The following PDE1A variants were observed in gnomAD, a reference collection of about 807,000 sequenced individuals.
The protein encoded by PDE1A is dual specificity calcium/calmodulin-dependent 3',5'-cyclic nucleotide phosphodiesterase 1A.
PDE1A carries 35 observed loss-of-function variants against 61.7 expected under a neutral mutation model. That is an observed-to-expected ratio of 0.57 (90% confidence interval 0.43 to 0.75). PDE1A has a LOEUF of 0.75. PDE1A is among the 30% of genes least tolerant of loss of function. The pLI, the probability that PDE1A is intolerant of heterozygous loss-of-function variation, is 0.00. For synonymous variants in PDE1A, 232 were observed against 213.2 expected, an observed-to-expected ratio of 1.09 and a Z score of -0.77; for missense variants, 597 against 630.6, an observed-to-expected ratio of 0.95 and a Z score of 0.57.
intron 1 of PDE1A, among the ~76,000 whole-genome samples, chr2:182,410,121 G>A (rs1702527777): frequency 1.3e-5 from 2 of 152,146 alleles, no homozygotes; most frequent in African/African-American, 4.8e-5. Context: ...GGAGGCTAAG[G>A]CGAGAGGATC....
intron 1 of PDE1A, among the ~76,000 whole-genome samples, chr2:182,378,535 T>C (rs1053445053): frequency 6.6e-6 from 1 of 152,060 alleles, no homozygotes; most frequent in Non-Finnish European, 1.5e-5. Context: ...TTTCTAGGAG[T>C]CCCTTTCTAC....
chr2:182,586,779 T>C, the PDE1A span, among the ~76,000 whole-genome samples: 1 of 152,178 alleles, frequency 6.6e-6, no homozygotes, highest in Admixed American at 6.5e-5. Flanking sequence ...TACACTGACA[T>C]TTATTCATGC....
downstream of PDE1A, among the ~76,000 whole-genome samples, chr2:182,164,036 A>G (rs1691522555): frequency 6.6e-6 from 1 of 151,866 alleles, no homozygotes; most frequent in Non-Finnish European, 1.5e-5. Flanking sequence ...GCCTTAGTAA[A>G]AGCTGAATGC....
chr2:182,276,769 T>G (rs548215839), intron 1 of PDE1A, among the ~76,000 whole-genome samples: 1 of 152,136 alleles, frequency 6.6e-6, no homozygotes, highest in African/African-American at 2.4e-5. Flanking sequence ...ACTGAATTCT[T>G]TTCCTAGCAA....
At chr2:182,533,726 A>G in the PDE1A span, among the ~76,000 whole-genome samples, 2 of 152,272 alleles carry the variant, frequency 1.3e-5, no homozygotes, top group Non-Finnish European at 2.9e-5. Context: ...TTAGGAGGAG[A>G]GGACCACAAA....
chr2:182,173,087 G>A (rs1192443953), intron 13 of PDE1A, among the ~76,000 whole-genome samples: 5 of 152,002 alleles, frequency 3.3e-5, no homozygotes, highest in African/African-American at 1.2e-4. Context: ...GGTGAAGCTG[G>A]CTCAGATTTA....
At chr2:182,711,756 G>C in the PDE1A span, among the ~76,000 whole-genome samples, 1 of 152,206 alleles carries the variant, frequency 6.6e-6, no homozygotes, top group Non-Finnish European at 1.5e-5. Flanking sequence ...AAGCCAGCTT[G>C]AAAGAATTCC....
chr2:182,167,703 T>C (rs1691728811), downstream of PDE1A, among the ~76,000 whole-genome samples: 1 of 152,152 alleles, frequency 6.6e-6, no homozygotes, highest in Non-Finnish European at 1.5e-5. Flanking sequence ...CTTTCTACTA[T>C]TTGGACAACC....
At chr2:182,270,926 T>C (rs1229547346) in intron 1 of PDE1A, among the ~76,000 whole-genome samples, 1 of 151,924 alleles carries the variant, frequency 6.6e-6, no homozygotes, top group South Asian at 2.1e-4. Context: ...AATTAAACCC[T>C]AACCTTAATC....
chr2:182,179,019 G>A (rs980743179), intron 13 of PDE1A, among the ~76,000 whole-genome samples: 29 of 152,208 alleles, frequency 1.9e-4, no homozygotes, highest in African/African-American at 6.7e-4. Context: ...ATCTAAAGAA[G>A]GAGGAAAGAG....
At chr2:182,305,169 G>T (rs1420894349) in intron 1 of PDE1A, among the ~76,000 whole-genome samples, 1 of 84,362 alleles carries the variant, frequency 1.2e-5, no homozygotes, top group Non-Finnish European at 2.4e-5. Context: ...ATTAATGTTT[G>T]TTCGGATTAC....
chr2:182,650,159 T>A, the PDE1A span, among the ~76,000 whole-genome samples: 1 of 152,104 alleles, frequency 6.6e-6, no homozygotes, highest in Admixed American at 6.5e-5. Context: ...AAAACACACA[T>A]GGCTTTAGGT....
chr2:182,389,755 G>T (rs1267065120), intron 1 of PDE1A, among the ~76,000 whole-genome samples: 2 of 152,072 alleles, frequency 1.3e-5, no homozygotes, highest in Non-Finnish European at 2.9e-5. Flanking sequence ...ATTGGGAGAG[G>T]TAGACTCACC....
chr2:182,165,764 G>A (rs557942187), downstream of PDE1A, among the ~76,000 whole-genome samples: 1 of 152,114 alleles, frequency 6.6e-6, no homozygotes, highest in Non-Finnish European at 1.5e-5. Context: ...ACAGAAATGA[G>A]GATTGTAATT....
At chr2:182,625,622 T>C in the PDE1A span, among the ~76,000 whole-genome samples, 1 of 152,228 alleles carries the variant, frequency 6.6e-6, no homozygotes, top group Admixed American at 6.5e-5. Context: ...TCACTGGTCC[T>C]GACAGAGTCT....
the PDE1A span, among the ~76,000 whole-genome samples, chr2:182,713,719 C>G: frequency 8.2e-4 from 125 of 152,240 alleles, no homozygotes; most frequent in African/African-American, 2.9e-3. Flanking sequence ...TATCTGTGGC[C>G]TCTTTCTTTT....
chr2:182,182,545 A>G (rs1035454572), intron 13 of PDE1A, among the ~76,000 whole-genome samples: 3 of 152,158 alleles, frequency 2.0e-5, no homozygotes, highest in African/African-American at 7.2e-5. Flanking sequence ...ATTCTGTAGC[A>G]GAGTAATCCT....
Position 182,384,458 on chromosome 2 carries a change from AAAT to A in PDE1A, c.53+42117_53+42119del, listed in dbSNP as rs112896044. 8.4e-3 allele frequency among the ~76,000 whole-genome samples: 1,193 copies of A among 141,912 alleles called. 12 individuals are homozygous for A. The highest frequency in any genetic ancestry group is 0.028 in the African/African-American group (1,017 of 36,734). The allele number at this position is 141,912 out of a possible 152,430, so 93.1% of individuals were successfully genotyped here. On this transcript the variant is annotated intron_variant, in intron 1 of 13. Coordinates refer to ENST00000351439, the Ensembl canonical transcript of PDE1A. ...CAAAAAGCAAAATTTAATAAAGAGA[AAAT>A]AATAATAATAATAATAATAATAATA... is the stretch of plus-strand genomic sequence containing the variant.
chr2:182,180,500 T>A lies in PDE1A; in HGVS notation c.1516+5392A>T, dbSNP rs114119433. 4.3e-3 allele frequency among the ~76,000 whole-genome samples: 652 copies of A among 152,328 alleles called. 13 individuals are homozygous for A. The East Asian group carries it at 0.069, about 16-fold the overall frequency. On this transcript the variant is annotated intron_variant, in intron 13 of 13. Coordinates refer to ENST00000351439, the Ensembl canonical transcript of PDE1A. ...CTTTGTAGGTGACCTGACCTTTTTC[T>A]CTGGCTGCCCTTAAACATTTTTTCC...
Sources: gnomAD v4.1 joint callset for allele counts (sites outside exome capture counted in the v4.1 genomes callset) on GRCh38, gnomAD v4.1.1 for gene constraint, MANE v1.5 for transcripts, NCBI Gene and HGNC (gene_info 2026-07-23, HGNC 2026-07-21) for gene names.